Variants in TNS1 observed in about 807,000 individuals in gnomAD.
TNS1 encodes the protein tensin-1.
In TNS1, 62 loss-of-function variants were observed where a neutral mutation model predicts 168.6. The observed-to-expected ratio is 0.37, with a 90% CI of 0.30 to 0.45. The LOEUF is 0.45. Ranked by LOEUF, TNS1 falls within the 20% of genes least tolerant of loss-of-function variation. The pLI, the probability that TNS1 is intolerant of heterozygous loss-of-function variation, is 1.00. For missense variants in TNS1, 2,240 were observed against 2,339.4 expected (o/e 0.96, Z 0.88); for synonymous variants, 934 against 933.2 (o/e 1.00, Z -0.02).
chr2:217,817,011 T>C (rs1450660261), intron 24 of TNS1, among the ~76,000 whole-genome samples: 3 of 152,186 alleles, frequency 2.0e-5, no homozygotes, highest in African/African-American at 7.2e-5. Flanking sequence ...AAGTGAAGAA[T>C]TCACTGCACA....
Position 217,907,087 on chromosome 2 carries a change from T to G in TNS1, c.270+123A>C, listed in dbSNP as rs1347044346. ...TACTTCCCTGCAAGTTCCCCAAATC[T>G]ACTCCGGAAGCATTTCCCCAACCAC... On this transcript the variant is annotated intron_variant, in intron 5 of 32. Transcript: ENST00000682258. 7 of 641,202 alleles carry G rather than the reference T, an allele frequency of 1.1e-5. No homozygotes were observed. In the East Asian group the frequency reaches 1.9e-4, roughly 18 times the overall value. The allele number at this position is 641,202 out of a possible 1,614,324, so 39.7% of individuals were successfully genotyped here. A position where few individuals can be genotyped will look rare whatever the true frequency, so the allele number is the denominator to read the frequency against.
intron 3 of TNS1, among the ~76,000 whole-genome samples, chr2:217,940,325 C>G (rs1317864049): frequency 6.6e-6 from 1 of 152,196 alleles, no homozygotes; most frequent in Non-Finnish European, 1.5e-5. Flanking sequence ...TCCTCTGCCC[C>G]CCACCTCCAA....
chr2:217,865,057 G>A (rs1180045970), intron 18 of TNS1, among the ~76,000 whole-genome samples: 1 of 151,890 alleles, frequency 6.6e-6, no homozygotes, highest in African/African-American at 2.4e-5. Context: ...GCTATGACTA[G>A]AGGGATCCAT....
At position 217,886,554 on chromosome 2, in the gene TNS1, G is replaced by A; in HGVS notation, c.959C>T (p.Pro320Leu). 6.2e-7 allele frequency: 1 copy of A among 1,602,424 alleles called. No homozygotes were observed. The highest frequency in any genetic ancestry group is 1.3e-5 in the African/African-American group (1 of 74,992). ...FLHHVIMHGI[P>L]NFESKGGCRP... ...GGTACCTCCTTTAGACTCAAAGTTG[G>A]GGATGCCGTGCATGATCACGTGGTG... Residue 320 changes from proline to leucine, a missense_variant, in exon 13 of 33, where the codon CCC becomes CTC. By Grantham distance (98) the Pro-to-Leu change is moderately conservative. Coordinates refer to ENST00000682258, the MANE Select transcript of TNS1 (RefSeq NM_001387777.1).
chr2:217,884,441 A>G (rs903582846), intron 16 of TNS1, among the ~76,000 whole-genome samples: 10 of 152,176 alleles, frequency 6.6e-5, no homozygotes, highest in Non-Finnish European at 5.9e-5. Flanking sequence ...AAAACTTCCA[A>G]TGGATAAAAG....
At chr2:217,881,658 A>T (rs1415675685) in intron 17 of TNS1, 1 of 152,454 alleles carries the variant, frequency 6.6e-6, no homozygotes, top group Admixed American at 6.5e-5. Flanking sequence ...AGGTGCAGCA[A>T]ACCACCATGG....
intron 22 of TNS1, among the ~76,000 whole-genome samples, chr2:217,823,736 G>C (rs183752975): frequency 3.0e-4 from 45 of 152,308 alleles, no homozygotes; most frequent in Middle Eastern, 3.4e-3. Flanking sequence ...AGTGGACAAG[G>C]CTGGGGCAGT....
chr2:217,945,779 A>G (rs1957089910), intron 3 of TNS1, among the ~76,000 whole-genome samples: 1 of 152,144 alleles, frequency 6.6e-6, no homozygotes, highest in Non-Finnish European at 1.5e-5. Context: ...GGTGACCCCA[A>G]CAACATTATC....
intron 18 of TNS1, among the ~76,000 whole-genome samples, chr2:217,865,910 C>G (rs562840271): frequency 6.6e-6 from 1 of 152,324 alleles, no homozygotes; most frequent in East Asian, 1.9e-4. Context: ...TCAGAACCCT[C>G]TAGAAGTTGC....
At chr2:218,028,774 G>C (rs542818674) in intron 1 of TNS1, among the ~76,000 whole-genome samples, 1 of 152,334 alleles carries the variant, frequency 6.6e-6, no homozygotes, top group East Asian at 1.9e-4. Flanking sequence ...TGGGGTCTTG[G>C]GGGTGGAGGT....
At chr2:217,837,267 A>T (rs1180483577) in intron 19 of TNS1, among the ~76,000 whole-genome samples, 2 of 152,180 alleles carry the variant, frequency 1.3e-5, no homozygotes, top group African/African-American at 4.8e-5. Context: ...AGTACAGCCA[A>T]GCAGAAATCA....
intron 16 of TNS1, among the ~76,000 whole-genome samples, chr2:217,884,322 A>AATGG (rs367767487): frequency 5.2e-4 from 78 of 151,220 alleles, no homozygotes; most frequent in African/African-American, 1.3e-3. Context: ...CGGATGGATG[A>AATGG]ATGGATGGAT....
At chr2:217,922,446 C>G (rs1955773167) in intron 3 of TNS1, among the ~76,000 whole-genome samples, 1 of 152,144 alleles carries the variant, frequency 6.6e-6, no homozygotes, top group Admixed American at 6.5e-5. Flanking sequence ...TTGGGCTGGG[C>G]AGGGACCGCG....
chr2:217,850,069 C>T lies in TNS1; in HGVS notation c.1430-982G>A. Reference sequence around the variant, plus strand: ...CTGCCCACTCCTGATGGACCCCTACCCCTCCACCAGCAAGCTCAGCCCATA... The same window carrying T: ...CTGCCCACTCCTGATGGACCCCTACTCCTCCACCAGCAAGCTCAGCCCATA... On this transcript the variant is annotated intron_variant, in intron 18 of 32. Transcript: ENST00000682258. The T allele has an allele frequency of 4.1e-6, 4 of 985,442 alleles. No individual in the cohort carries two copies. In the South Asian group the frequency reaches 1.9e-4, roughly 46 times the overall value. The allele number at this position is 985,442 out of a possible 1,614,324, so 61.0% of individuals were successfully genotyped here.
intron 18 of TNS1, chr2:217,858,626 C>T (rs980930186): frequency 2.7e-5 from 26 of 966,332 alleles, no homozygotes; most frequent in African/African-American, 9.1e-5. Context: ...AAGCTCCCTC[C>T]GACTGTCAGG....
rs1559131945 is a variant in TNS1 at position 217,805,504 on chromosome 2, C to CCACACACA, written c.5376-902_5376-901insTGTGTGTG. 6.9e-5 allele frequency among the ~76,000 whole-genome samples: 4 copies of CCACACACA among 58,212 alleles called. 1 individual carries two copies. The highest frequency in any genetic ancestry group is 9.0e-5 in the Non-Finnish European group (3 of 33,462). The allele number at this position is 58,212 out of a possible 152,430, so 38.2% of individuals were successfully genotyped here. ...ACACACCACACACACACCACACACA[C>CCACACACA]CACCACACACACCACACACACCACA... On this transcript the variant is annotated intron_variant, in intron 32 of 32. Transcript: ENST00000682258.
intron 12 of TNS1, among the ~76,000 whole-genome samples, chr2:217,887,894 AC>A (rs1374412818): frequency 6.6e-6 from 1 of 152,236 alleles, no homozygotes; most frequent in Non-Finnish European, 1.5e-5. Flanking sequence ...CCATGGAATG[AC>A]AAGCTGAGTC....
At chr2:218,027,607 G>A (rs1419816103) in intron 1 of TNS1, among the ~76,000 whole-genome samples, 1 of 152,108 alleles carries the variant, frequency 6.6e-6, no homozygotes, top group African/African-American at 2.4e-5. Flanking sequence ...TCGGCACATT[G>A]TCTCAGGGTG....
At chr2:217,915,059 C>T (rs1196177745) in intron 4 of TNS1, among the ~76,000 whole-genome samples, 1 of 152,212 alleles carries the variant, frequency 6.6e-6, no homozygotes, top group Non-Finnish European at 1.5e-5. Flanking sequence ...TCAGAGTTTG[C>T]CCCTCCCCTT....
Sources: allele counts gnomAD v4.1 joint callset (sites outside exome capture counted in the v4.1 genomes callset), GRCh38; gene constraint gnomAD v4.1.1; transcripts MANE v1.5; gene names NCBI Gene and HGNC (gene_info 2026-07-23, HGNC 2026-07-21).